SIRT5: variants seen among roughly 807,000 people sequenced by gnomAD.
SIRT5 encodes the protein sirtuin 5.
Under a neutral mutation model 40.0 loss-of-function variants are expected in SIRT5, and 26 were observed. The ratio of observed to expected loss-of-function variants is 0.65; its 90% CI spans 0.48 to 0.90. SIRT5 has a LOEUF of 0.90. SIRT5 is among the 40% of genes least tolerant of loss of function. The pLI, the probability that SIRT5 is intolerant of heterozygous loss-of-function variation, is 0.00. For missense variants in SIRT5, 401 were observed against 402.4 expected (o/e 1.00, Z 0.03); for synonymous variants, 146 against 149.1 (o/e 0.98, Z 0.15).
chr6:13,605,691 T>TGATAAACCCTGACTATTCC (rs1763014915), intron 9 of SIRT5: 1 of 985,370 alleles, frequency 1.0e-6, no homozygotes, highest in South Asian at 4.7e-5. Context: ...GGATGATTTC[T>TGATAAACCCTGACTATTCC]GATAAACCCT....
chr6:13,589,804 G>A (rs1474067005), intron 4 of SIRT5, among the ~76,000 whole-genome samples: 1 of 152,210 alleles, frequency 6.6e-6, no homozygotes, highest in African/African-American at 2.4e-5. Flanking sequence ...GAGGTCAGAG[G>A]GTGCGGGAGG....
At chr6:13,591,917 T>G in intron 5 of SIRT5, 23 bp downstream of exon 5, 1 of 1,603,422 alleles carries the variant, frequency 6.2e-7, no homozygotes, top group Non-Finnish European at 8.5e-7. Context: ...CAGCCTCCCA[T>G]TCAGGGAACC....
chr6:13,607,972 C>T lies in SIRT5; in HGVS notation c.858-3818C>T, dbSNP rs369724698. ...ACGGGTTTTCACCACATTGCCCAGGCTGGTCTCAAACTACTGACATCAGGC... is the reference window on the plus strand; with the variant it reads ...ACGGGTTTTCACCACATTGCCCAGGTTGGTCTCAAACTACTGACATCAGGC... On this transcript the variant is annotated intron_variant, in intron 9 of 9. Coordinates refer to ENST00000606117, the MANE Select transcript of SIRT5 (RefSeq NM_012241.5). The surrounding 1 kb of genome is among the most constrained non-coding windows in gnomAD (Gnocchi z 4.0). 6.6e-5 allele frequency among the ~76,000 whole-genome samples: 10 copies of T among 152,244 alleles called. 1 individual carries two copies. In the East Asian group the frequency reaches 1.4e-3, roughly 21 times the overall value.
chr6:13,605,708 T>A, intron 9 of SIRT5: 1 of 985,468 alleles, frequency 1.0e-6, no homozygotes, highest in Non-Finnish European at 1.2e-6. Context: ...CCCTGACTAT[T>A]CCAATAAACC....
chr6:13,611,214 TATATATATATATATATATATATAC>T (rs1763826156), intron 9 of SIRT5, among the ~76,000 whole-genome samples: 1 of 122,352 alleles, frequency 8.2e-6, no homozygotes, highest in South Asian at 3.1e-4. Flanking sequence ...TGTGTATATA[TATATATATATATATATATATATAC>T]ACACACACAT....
intron 1 of SIRT5, among the ~76,000 whole-genome samples, chr6:13,578,633 A>G (rs916073308): frequency 9.9e-5 from 15 of 151,506 alleles, no homozygotes; most frequent in Non-Finnish European, 1.3e-4. Context: ...AAAAAAAAAA[A>G]AAAAGAAAAT....
chr6:13,610,832 A>G (rs1448212337), intron 9 of SIRT5, among the ~76,000 whole-genome samples: 1 of 152,208 alleles, frequency 6.6e-6, no homozygotes, highest in East Asian at 1.9e-4. Flanking sequence ...AGAACAAAGC[A>G]TTTGAGGGAT....
intron 9 of SIRT5, 60 bp downstream of exon 9, chr6:13,601,009 TAAAC>T: frequency 2.3e-6 from 3 of 1,304,802 alleles, no homozygotes; most frequent in Non-Finnish European, 2.2e-6. Flanking sequence ...CATGGTCATC[TAAAC>T]ATAGTTGACC....
At position 13,607,272 on chromosome 6, in the gene SIRT5, GCAAACACTGGATTA is replaced by G. The variant is rs1392643340; in HGVS notation, c.858-4514_858-4501del. Among the ~76,000 whole-genome samples the G allele has an allele frequency of 6.6e-6, 1 of 151,552 alleles. No individual in the cohort carries two copies. The highest frequency in any genetic ancestry group is 6.6e-5 in the Admixed American group (1 of 15,218). The stretch of plus-strand genomic sequence containing the variant: ...AGGTAATTCTTACCAAGAAACCTTG[GCAAACACTGGATTA>G]CAACTTCTGGTTTTTGATATTTGTC... On this transcript the variant is annotated intron_variant, in intron 9 of 9. Transcript: ENST00000606117. The surrounding 1 kb of genome is among the most constrained non-coding windows in gnomAD (Gnocchi z 4.0).
At chr6:13,597,923 G>C (rs947699625) in intron 7 of SIRT5, among the ~76,000 whole-genome samples, 1 of 152,060 alleles carries the variant, frequency 6.6e-6, no homozygotes, top group Non-Finnish European at 1.5e-5. Context: ...ATGTTACGTT[G>C]AGACATTACT....
At chr6:13,577,946 G>A (rs1297004432) in intron 1 of SIRT5, among the ~76,000 whole-genome samples, 1 of 152,072 alleles carries the variant, frequency 6.6e-6, no homozygotes, top group Non-Finnish European at 1.5e-5. Context: ...TGATTTAGCT[G>A]TGAGTTTGTC....
intron 5 of SIRT5, among the ~76,000 whole-genome samples, chr6:13,593,438 T>C: frequency 6.6e-6 from 1 of 152,334 alleles, no homozygotes; most frequent in East Asian, 1.9e-4. Flanking sequence ...TGAGCCACTT[T>C]CCATGTGCCT....
intron 9 of SIRT5, among the ~76,000 whole-genome samples, chr6:13,609,442 C>T (rs1478295443): frequency 3.3e-5 from 5 of 152,130 alleles, no homozygotes; most frequent in African/African-American, 4.8e-5. Flanking sequence ...ACTAGCAGGG[C>T]TGTACAATGT....
At chr6:13,575,037 T>TG (rs1348202671) in intron 1 of SIRT5, among the ~76,000 whole-genome samples, 1 of 152,022 alleles carries the variant, frequency 6.6e-6, no homozygotes, top group Non-Finnish European at 1.5e-5. Flanking sequence ...AGCTTGGCTA[T>TG]GGGGCGTGCG....
chr6:13,584,301 T>C, intron 3 of SIRT5, 76 bp downstream of exon 3: 1 of 1,094,258 alleles, frequency 9.1e-7, no homozygotes, highest in East Asian at 2.4e-5. Context: ...GAGAGGAATG[T>C]CTCTGTCAAA....
chr6:13,606,479 G>A (rs1294111920), intron 9 of SIRT5, among the ~76,000 whole-genome samples: 1 of 152,178 alleles, frequency 6.6e-6, no homozygotes, highest in Non-Finnish European at 1.5e-5. Context: ...AGTTGACCGT[G>A]TGTGTTAGGG....
At chr6:13,575,007 G>GCCGT (rs1437537887) in intron 1 of SIRT5, among the ~76,000 whole-genome samples, 2 of 152,166 alleles carry the variant, frequency 1.3e-5, no homozygotes, top group Admixed American at 1.3e-4. Flanking sequence ...TGAAGGTGGA[G>GCCGT]CCGTCAGGTT....
chr6:13,581,147 C>A (rs1004749344), intron 2 of SIRT5, among the ~76,000 whole-genome samples: 1 of 152,194 alleles, frequency 6.6e-6, no homozygotes, highest in Non-Finnish European at 1.5e-5. Context: ...TTTACATATA[C>A]AGTACTAGTA....
At chr6:13,588,579 G>C (rs1355433198) in intron 4 of SIRT5, 115 bp downstream of exon 4, 2 of 1,270,438 alleles carry the variant, frequency 1.6e-6, no homozygotes, top group Non-Finnish European at 2.1e-6. Context: ...TAAGTGAACT[G>C]TGACCCTATT....
Sources: allele counts gnomAD v4.1 joint callset (sites outside exome capture counted in the v4.1 genomes callset), GRCh38; gene constraint gnomAD v4.1.1; non-coding constraint Gnocchi (gnomAD v3.1); transcripts MANE v1.5; gene names NCBI Gene and HGNC (gene_info 2026-07-23, HGNC 2026-07-21).